Variants in ABLIM2 observed in about 807,000 individuals in gnomAD.
ABLIM2 encodes the protein actin binding LIM protein family member 2.
ABLIM2 carries 53 observed loss-of-function variants against 97.7 expected under a neutral mutation model. The observed-to-expected ratio is 0.54, with a 90% CI of 0.44 to 0.68. The LOEUF is 0.68. ABLIM2 is among the 30% of genes least tolerant of loss of function. ABLIM2 has a pLI of 0.00. For missense variants in ABLIM2, 835 were observed against 867.2 expected (o/e 0.96, Z 0.47); for synonymous variants, 361 against 345.8 (o/e 1.04, Z -0.49).
At position 8,150,584 on chromosome 4, in the gene ABLIM2, C is replaced by T. The variant is rs1387285003; in HGVS notation, c.10+8096G>A. Among the ~76,000 whole-genome samples, 1 of 152,256 alleles carries T rather than the reference C, an allele frequency of 6.6e-6. No homozygotes were observed. Among genetic ancestry groups the T allele is most frequent in the African/African-American group, 2.4e-5 (1 of 41,456 alleles). On this transcript the variant is annotated intron_variant, in intron 1 of 20. Coordinates refer to ENST00000447017, the MANE Select transcript of ABLIM2 (RefSeq NM_001130083.2). The surrounding 1 kb of genome is among the most constrained non-coding windows in gnomAD (Gnocchi z 6.3). Reference sequence around the variant, plus strand: ...ACAGAGAAACCAAAGTCCCAAACTTCCAGCACAGGGTGCGAGCTCCGTGCC... The same window carrying T: ...ACAGAGAAACCAAAGTCCCAAACTTTCAGCACAGGGTGCGAGCTCCGTGCC...
In ABLIM2 at chr4:8,095,963, G is replaced by C. The variant is rs1831349613; in HGVS notation, c.338+1136C>G. On this transcript the variant is annotated intron_variant, in intron 3 of 20. Coordinates refer to ENST00000447017, the MANE Select transcript of ABLIM2 (RefSeq NM_001130083.2). This position sits in a 1 kb window ranked among gnomAD's most constrained non-coding sequence, Gnocchi z 4.7. ...TTTGGTCAAAGACTCCAAGGTACCT[G>C]TGCAGTTCGGCGCTCTTGCTCTGTG... Among the ~76,000 whole-genome samples, 1 of 152,174 alleles carries C rather than the reference G, an allele frequency of 6.6e-6. No homozygotes were observed. The highest frequency in any genetic ancestry group is 6.5e-5 in the Admixed American group (1 of 15,274).
chr4:8,044,880 T>C lies in ABLIM2; in HGVS notation c.900+284A>G, dbSNP rs1018035115. On this transcript the variant is annotated intron_variant, in intron 9 of 20. Transcript: ENST00000447017. The surrounding 1 kb of genome is among the most constrained non-coding windows in gnomAD (Gnocchi z 4.4). ...TTGATGTGACGTGTCTGCACCACTA[T>C]AAACAACAGCTGTGTACACACCACT... is the stretch of plus-strand genomic sequence containing the variant. Among the ~76,000 whole-genome samples, 12 of 152,192 alleles carry C rather than the reference T, an allele frequency of 7.9e-5. No homozygotes were observed. Among genetic ancestry groups the C allele is most frequent in the African/African-American group, 2.9e-4 (12 of 41,438 alleles).
chr4:7,982,028 C>A (rs552152384), intron 20 of ABLIM2, among the ~76,000 whole-genome samples: 9 of 152,186 alleles, frequency 5.9e-5, no homozygotes, highest in African/African-American at 9.7e-5. Context: ...CCCTCTCTGG[C>A]CCCAGCACTA....
intron 1 of ABLIM2, among the ~76,000 whole-genome samples, chr4:8,136,704 G>A (rs900749198): frequency 6.6e-5 from 10 of 152,334 alleles, no homozygotes; most frequent in East Asian, 1.9e-4. Context: ...CGAGGGAAGC[G>A]GAGGAAGGAA....
At chr4:8,157,216 A>G (rs1327210035) in intron 1 of ABLIM2, among the ~76,000 whole-genome samples, 1 of 150,938 alleles carries the variant, frequency 6.6e-6, no homozygotes, top group Non-Finnish European at 1.5e-5. Flanking sequence ...CGTCAGATGC[A>G]GAGGAGAGAT....
In ABLIM2 at chr4:8,005,548, C is replaced by T. The variant is rs1305198618; in HGVS notation, c.1618+2511G>A. ...GGCTACTTGGTGACAATCAAAAGAA[C>T]CCCGAGAGAAAAAAAAGGGTGGCTC... On this transcript the variant is annotated intron_variant, in intron 16 of 20. Coordinates refer to ENST00000447017, the MANE Select transcript of ABLIM2 (RefSeq NM_001130083.2). The surrounding 1 kb of genome is among the most constrained non-coding windows in gnomAD (Gnocchi z 4.9). 2 of 489,870 alleles carry T rather than the reference C, an allele frequency of 4.1e-6. No individual in the cohort carries two copies. Among genetic ancestry groups the T allele is most frequent in the East Asian group, 5.6e-5 (1 of 17,758 alleles). 30.3% of individuals were successfully genotyped at this position (489,870 alleles called of 1,614,324 possible). A position where few individuals can be genotyped will look rare whatever the true frequency, so the allele number is the denominator to read the frequency against.
intron 8 of ABLIM2, 69 bp from the exon 9 acceptor site, chr4:8,045,310 G>A (rs1000772938): frequency 6.5e-6 from 9 of 1,381,900 alleles, no homozygotes; most frequent in African/African-American, 2.8e-5. Context: ...GCGACTGTCA[G>A]GAGTTCCACT....
rs78408421 is a variant in ABLIM2, at chr4:8,009,039, C to T, written c.1476+11G>A. The T allele has an allele frequency of 2.9e-4, 467 of 1,613,918 alleles. 2 individuals carry two copies. The African/African-American group carries it at 5.5e-3, about 19-fold the overall frequency. ...AGGCTGTTCTCAGCCAGATCTGCTC[C>T]CTGGCATTACCTTCCTGTTATCCTG... is the stretch of plus-strand genomic sequence containing the variant. On this transcript the variant is annotated intron_variant, in intron 15 of 20. Transcript: ENST00000447017.
intron 17 of ABLIM2, among the ~76,000 whole-genome samples, chr4:7,990,113 G>C (rs985512823): frequency 2.6e-5 from 4 of 152,134 alleles, no homozygotes; most frequent in Admixed American, 1.3e-4. Context: ...TCTTCCATCA[G>C]ACAGTGAGGC....
intron 1 of ABLIM2, among the ~76,000 whole-genome samples, chr4:8,157,195 A>G (rs1230736554): frequency 2.1e-5 from 3 of 145,604 alleles, no homozygotes; most frequent in Non-Finnish European, 4.5e-5. Context: ...CAGTGCCCCC[A>G]CACCCCTTCT....
At chr4:8,134,479 A>G (rs1849901067) in intron 1 of ABLIM2, among the ~76,000 whole-genome samples, 1 of 152,204 alleles carries the variant, frequency 6.6e-6, no homozygotes, top group South Asian at 2.1e-4. Context: ...CGTCGGCAAG[A>G]AGAACGCATG....
chr4:7,980,229 TC>T (rs1736908938), intron 20 of ABLIM2, among the ~76,000 whole-genome samples: 1 of 152,098 alleles, frequency 6.6e-6, no homozygotes, highest in Non-Finnish European at 1.5e-5. Context: ...CAGACATGTC[TC>T]ATTCTACCCT....
At chr4:8,052,847 C>T (rs949972887) in intron 8 of ABLIM2, among the ~76,000 whole-genome samples, 1 of 152,232 alleles carries the variant, frequency 6.6e-6, no homozygotes, top group Non-Finnish European at 1.5e-5. Context: ...CGCTACAGGA[C>T]ATCAGAGTCA....
chr4:8,116,417 T>A (rs982013119), intron 1 of ABLIM2, among the ~76,000 whole-genome samples: 1 of 152,194 alleles, frequency 6.6e-6, no homozygotes, highest in South Asian at 2.1e-4. Context: ...CCGATCCCAC[T>A]TCTGCTATCG....
chr4:7,977,135 G>A (rs1355733242), intron 20 of ABLIM2, among the ~76,000 whole-genome samples: 2 of 152,106 alleles, frequency 1.3e-5, no homozygotes, highest in African/African-American at 4.8e-5. Flanking sequence ...GAGTTCTCAC[G>A]AGATCTGATG....
chr4:8,047,267 T>C (rs547110174), intron 8 of ABLIM2, among the ~76,000 whole-genome samples: 27 of 152,314 alleles, frequency 1.8e-4, no homozygotes, highest in African/African-American at 6.3e-4. Flanking sequence ...CCGCCACCTC[T>C]GCACTCGCCT....
Position 7,992,922 on chromosome 4 carries a change from G to T in ABLIM2, c.1624C>A (p.Pro542Thr). The change falls in exon 17 of 21, where the codon CCC becomes ACC. Residue 542 changes from proline to threonine, a missense_variant. Coordinates refer to ENST00000447017, the MANE Select transcript of ABLIM2 (RefSeq NM_001130083.2). This position sits in a 1 kb window ranked among gnomAD's most constrained non-coding sequence, Gnocchi z 5.7. ...GGGAGAGGGTCAGATTTGGAATAGG[G>T]GAATCCTGAAACAGACACAGCACAG... ...MAGDSFHSRF[P>T]YSKSDPLPGH... 1 of 1,612,954 alleles carries T rather than the reference G, an allele frequency of 6.2e-7. No individual in the cohort carries two copies. The highest frequency in any genetic ancestry group is 1.1e-5 in the South Asian group (1 of 90,814).
chr4:8,082,023 C>T lies in ABLIM2; in HGVS notation c.455-1221G>A, dbSNP rs116809603. 0.02 allele frequency among the ~76,000 whole-genome samples: 2,977 copies of T among 152,132 alleles called. 84 individuals are homozygous for T. The highest frequency in any genetic ancestry group is 0.068 in the African/African-American group (2,806 of 41,490). On this transcript the variant is annotated intron_variant, in intron 4 of 20. Coordinates refer to ENST00000447017, the MANE Select transcript of ABLIM2 (RefSeq NM_001130083.2). The surrounding 1 kb of genome is among the most constrained non-coding windows in gnomAD (Gnocchi z 5.6). ...CGTGAGAGTGTGTCTGTGTGTTTGT[C>T]GAAGTGTGTGTCTGCGTGTGTTTAA...
At chr4:8,073,946 G>A (rs1037298524) in intron 6 of ABLIM2, among the ~76,000 whole-genome samples, 1 of 151,876 alleles carries the variant, frequency 6.6e-6, no homozygotes, top group Non-Finnish European at 1.5e-5. Context: ...AATCAGCCAG[G>A]CGTGGTGGCT....
Sources: allele counts gnomAD v4.1 joint callset (sites outside exome capture counted in the v4.1 genomes callset), GRCh38; gene constraint gnomAD v4.1.1; non-coding constraint Gnocchi (gnomAD v3.1); transcripts MANE v1.5; gene names NCBI Gene and HGNC (gene_info 2026-07-23, HGNC 2026-07-21).